Variants in RBM4 observed in about 807,000 individuals in gnomAD.
RBM4 encodes the protein RNA-binding protein 4.
RBM4 carries 7 observed loss-of-function variants against 29.5 expected under a neutral mutation model. The ratio of observed to expected loss-of-function variants is 0.24; its 90% confidence interval spans 0.14 to 0.45. The LOEUF (loss-of-function observed/expected upper bound fraction) is 0.45, where lower values mean the gene tolerates loss of function less well. Among genes scored for constraint, RBM4 ranks in the 20% least tolerant of loss-of-function variants. The pLI is 1.00. For synonymous variants in RBM4, 220 were observed against 205.4 expected, an observed-to-expected ratio of 1.07 and a Z score of -0.61; for missense variants, 387 against 502.3, an observed-to-expected ratio of 0.77 and a Z score of 2.19.
chr11:66,648,754 AG>A (rs1938762423), downstream of RBM4, among the ~76,000 whole-genome samples: 1 of 151,878 alleles, frequency 6.6e-6, no homozygotes, highest in African/African-American at 2.4e-5. Flanking sequence ...TGGAGGTTGC[AG>A]TAAGCTGAGA....
At chr11:66,645,172 G>C (rs1014188720) in intron 3 of RBM4, among the ~76,000 whole-genome samples, 1 of 152,040 alleles carries the variant, frequency 6.6e-6, no homozygotes, top group African/African-American at 2.4e-5. Context: ...TTTTTCCACT[G>C]TCATACATTT....
At chr11:66,650,570 T>C (rs1938804063), downstream of RBM4, among the ~76,000 whole-genome samples, 1 of 147,776 alleles carries the variant, frequency 6.8e-6, no homozygotes, top group Admixed American at 6.8e-5. Context: ...AAAGTCTGTC[T>C]TAATAATAAT....
chr11:66,662,428 G>T (rs1352940401), intron 2 of RBM4, among the ~76,000 whole-genome samples: 1 of 152,078 alleles, frequency 6.6e-6, no homozygotes, highest in Non-Finnish European at 1.5e-5. Flanking sequence ...TTGAGACAGA[G>T]TCTCACTCTG....
chr11:66,639,429 C>A lies in RBM4; in HGVS notation c.-12-271C>A, dbSNP rs1156479518. 3 of 471,064 alleles carry A rather than the reference C, an allele frequency of 6.4e-6. No individual in the cohort carries two copies. The East Asian group carries it at 1.0e-4, about 16-fold the overall frequency. 29.2% of individuals were successfully genotyped at this position (471,064 alleles called of 1,614,324 possible). A position where few individuals can be genotyped will look rare whatever the true frequency, so the allele number is the denominator to read the frequency against. On this transcript the variant is annotated intron_variant, in intron 1 of 3. Transcript: ENST00000310092. ...TTTCTTCATATGCTGTCTTTCATGCCCATTTCTGTTGGAAGGTATCGGTTC... is the reference window on the plus strand; with the variant it reads ...TTTCTTCATATGCTGTCTTTCATGCACATTTCTGTTGGAAGGTATCGGTTC...
rs766240468 is a variant in RBM4 at position 66,644,155 on chromosome 11, G to T, written c.*8+15G>T. On this transcript the variant is annotated intron_variant, in intron 3 of 3. Transcript: ENST00000310092. ...TAAAGCTTGAGGTGAGAGGGGTGGG[G>T]TGTTCCCTCTTCTGGTTTTGCCATC... 53 of 1,595,156 alleles carry T rather than the reference G, an allele frequency of 3.3e-5. No individual in the cohort carries two copies. Among genetic ancestry groups the T allele is most frequent in the Non-Finnish European group, 4.2e-5 (49 of 1,170,116 alleles).
chr11:66,656,753 C>T (rs952490672), intron 2 of RBM4, among the ~76,000 whole-genome samples: 4 of 152,030 alleles, frequency 2.6e-5, no homozygotes, highest in Non-Finnish European at 4.4e-5. Context: ...CTCCACCTCC[C>T]GGGTTCAAGC....
chr11:66,661,110 A>G (rs1939074897), intron 2 of RBM4, among the ~76,000 whole-genome samples: 1 of 152,198 alleles, frequency 6.6e-6, no homozygotes, highest in Non-Finnish European at 1.5e-5. Context: ...AAGGCACTTC[A>G]GATTGAATTC....
In RBM4 at chr11:66,655,905, T is replaced by C. The variant is rs188707357; in HGVS notation, c.413-9951T>C. Among the ~76,000 whole-genome samples, 410 of 152,324 alleles carry C rather than the reference T, an allele frequency of 2.7e-3. 2 individuals are homozygous for C. The highest frequency in any genetic ancestry group is 5.0e-3 in the Non-Finnish European group (343 of 68,032). The stretch of plus-strand genomic sequence containing the variant: ...AAAAAATCAGCTTTTCTGAGTTTTT[T>C]TTTTAAACACCCTTTCAACCCAGTT... On this transcript the variant is annotated intron_variant, in intron 2 of 2. Transcript: ENST00000396053.
At chr11:66,640,442 A>G (rs1425195327) in intron 2 of RBM4, 2 of 525,314 alleles carry the variant, frequency 3.8e-6, no homozygotes, top group East Asian at 3.0e-5. Flanking sequence ...TTTTTGTAGT[A>G]GAGCACAGTT....
intron 2 of RBM4, among the ~76,000 whole-genome samples, chr11:66,656,969 C>T (rs920622571): frequency 1.3e-5 from 2 of 152,054 alleles, no homozygotes; most frequent in African/African-American, 4.8e-5. Context: ...CCCAGTTTGA[C>T]AATGTACTGG....
At chr11:66,649,904 C>T (rs1938788954), downstream of RBM4, 2 of 555,426 alleles carry the variant, frequency 3.6e-6, no homozygotes, top group Admixed American at 3.5e-5. Flanking sequence ...AAGAGTAATG[C>T]TTTAATAAAC....
At chr11:66,648,543 G>A (rs1437048265), downstream of RBM4, among the ~76,000 whole-genome samples, 1 of 151,842 alleles carries the variant, frequency 6.6e-6, no homozygotes, top group Non-Finnish European at 1.5e-5. Context: ...TGCCAGGCGC[G>A]GTGGCTCACA....
chr11:66,641,706 A>G (rs1938472348), intron 2 of RBM4, among the ~76,000 whole-genome samples: 1 of 152,012 alleles, frequency 6.6e-6, no homozygotes, highest in Non-Finnish European at 1.5e-5. Flanking sequence ...ATGCTTAGTT[A>G]TTTTTACCTT....
At chr11:66,640,672 A>T in intron 2 of RBM4, 1 of 156,398 alleles carries the variant, frequency 6.4e-6, no homozygotes, top group Non-Finnish European at 1.4e-5. Context: ...GCCACTCTAG[A>T]ATTACAAGGC....
At chr11:66,655,479 G>C (rs947015942) in intron 2 of RBM4, among the ~76,000 whole-genome samples, 2 of 151,940 alleles carry the variant, frequency 1.3e-5, no homozygotes, top group Non-Finnish European at 2.9e-5. Flanking sequence ...ACAGGGTTTC[G>C]CTATGTTGCC....
Position 66,644,116 on chromosome 11 carries a change from G to C in RBM4, c.1079G>C (p.Arg360Pro). The C allele has an allele frequency of 6.2e-7, 1 of 1,613,416 alleles. No individual in the cohort carries two copies. Among genetic ancestry groups the C allele is most frequent in the South Asian group, 1.1e-5 (1 of 91,024 alleles). Residue 360 changes from arginine to proline, a missense_variant, in exon 3 of 4, where the codon CGG becomes CCG. By Grantham distance (103) the Arg-to-Pro change is moderately radical. Around this residue, in one of 2 missense-constraint regions of RBM4, gnomAD observed 281 missense variants for 288.7 expected, o/e 0.97. Transcript: ENST00000310092. ...CGGGAGCAGTATGCCGATCGGGCGC[G>C]GTACTCAGCCTTTTAAAGCTTGAGG... ...YEREQYADRA[R>P]YSAF
intron 2 of RBM4, among the ~76,000 whole-genome samples, chr11:66,656,731 G>C (rs1938956732): frequency 6.6e-6 from 1 of 152,004 alleles, no homozygotes; most frequent in African/African-American, 2.4e-5. Context: ...CATGATCTCG[G>C]TTCACTGCAA....
chr11:66,658,337 CTTTTTTTTT>C (rs35133059), intron 2 of RBM4, among the ~76,000 whole-genome samples: 9 of 50,458 alleles, frequency 1.8e-4, no homozygotes, highest in African/African-American at 5.4e-4. Context: ...CTAGTCTGAC[CTTTTTTTTT>C]TTTTTTTTTT....
At position 66,643,643 on chromosome 11, in the gene RBM4, C is replaced by A. The variant is rs1303644509; in HGVS notation, c.606C>A (p.Thr202=). The change falls in exon 3 of 4, where the codon ACC becomes ACA. Residue 202 remains threonine (T), a synonymous_variant. Transcript: ENST00000310092. This position sits in a 1 kb window ranked among gnomAD's most constrained non-coding sequence, Gnocchi z 6.1. Reference sequence around the variant, plus strand: ...ACGGAGCAGTGCGTACGCCTTACACCATGAGCTATGGGGATTCATTGTATT... The same window carrying A: ...ACGGAGCAGTGCGTACGCCTTACACAATGAGCTATGGGGATTCATTGTATT... ...EQYGAVRTPY[T]MSYGDSLYYN... 1.2e-6 allele frequency: 2 copies of A among 1,614,172 alleles called. No individual in the cohort carries two copies. The highest frequency in any genetic ancestry group is 2.2e-5 in the South Asian group (2 of 91,088).
Sources: gnomAD v4.1 joint callset for allele counts (sites outside exome capture counted in the v4.1 genomes callset) on GRCh38, gnomAD v4.1.1 for gene constraint, gnomAD v4.1.1 regional missense constraint, Gnocchi (gnomAD v3.1) non-coding constraint, MANE v1.5 for transcripts, NCBI Gene and HGNC (gene_info 2026-07-23, HGNC 2026-07-21) for gene names.